The following SEMA6D variants were observed in gnomAD, a reference collection of about 807,000 sequenced individuals.
SEMA6D encodes semaphorin 6D.
A neutral mutation model predicts 106.6 loss-of-function variants in SEMA6D; 35 were observed. The ratio of observed to expected loss-of-function variants is 0.33; its 90% CI spans 0.25 to 0.44. The LOEUF (loss-of-function observed/expected upper bound fraction) is 0.44. Among genes scored for constraint, SEMA6D ranks in the 20% least tolerant of loss-of-function variants. SEMA6D has a pLI of 1.00. For missense variants in SEMA6D, 1,185 were observed against 1,345.9 expected (o/e 0.88, Z 1.87); for synonymous variants, 499 against 487.7 (o/e 1.02, Z -0.31).
chr15:47,711,445 TAAAC>T (rs1256561710), intron 4 of SEMA6D, among the ~76,000 whole-genome samples: 4 of 152,298 alleles, frequency 2.6e-5, no homozygotes, highest in Non-Finnish European at 4.4e-5. Context: ...AAACAAAAGT[TAAAC>T]AAACTAAGTT....
intron 1 of SEMA6D, among the ~76,000 whole-genome samples, chr15:47,729,567 T>C (rs1360180708): frequency 6.6e-6 from 1 of 152,214 alleles, no homozygotes; most frequent in African/African-American, 2.4e-5. Context: ...CCTTGGCAGA[T>C]TGGATGGGGT....
chr15:47,487,386 C>T (rs4775689), intron 3 of SEMA6D, among the ~76,000 whole-genome samples: 9,579 of 152,210 alleles, frequency 0.063, 594 homozygotes, highest in East Asian at 0.32. Context: ...CGTGTCTTTC[C>T]AAGCCTTTGT....
At chr15:47,527,176 A>G (rs980570480) in intron 3 of SEMA6D, among the ~76,000 whole-genome samples, 1 of 152,248 alleles carries the variant, frequency 6.6e-6, no homozygotes, top group Non-Finnish European at 1.5e-5. Flanking sequence ...TTCTAATAAA[A>G]AGACAAAAAC....
chr15:47,688,350 C>A (rs983895448), intron 4 of SEMA6D, among the ~76,000 whole-genome samples: 1 of 151,786 alleles, frequency 6.6e-6, no homozygotes, highest in South Asian at 2.1e-4. Context: ...GGCTGAAAAC[C>A]GAGATAAAAC....
At chr15:47,753,833 A>G (rs1347494204) in intron 1 of SEMA6D, among the ~76,000 whole-genome samples, 1 of 152,180 alleles carries the variant, frequency 6.6e-6, no homozygotes, top group Non-Finnish European at 1.5e-5. Context: ...CCAACTCCAC[A>G]TTCAGATCCT....
chr15:47,420,723 T>C (rs1311943143), intron 2 of SEMA6D, among the ~76,000 whole-genome samples: 1 of 152,144 alleles, frequency 6.6e-6, no homozygotes, highest in Non-Finnish European at 1.5e-5. Flanking sequence ...GATGATAATA[T>C]TCATATAGTT....
At chr15:47,726,965 TAGA>T (rs2079796563) in intron 1 of SEMA6D, among the ~76,000 whole-genome samples, 1 of 152,150 alleles carries the variant, frequency 6.6e-6, no homozygotes, top group East Asian at 1.9e-4. Flanking sequence ...AAGGGGAATT[TAGA>T]AGGAGAGGTT....
In SEMA6D at chr15:47,749,273, G is replaced by GT. The variant is rs1567070596; in HGVS notation, c.-54-10472_-54-10471insT. ...ATTTTTGTATTTTTACTAGAGAAAT[G>GT]GTTTCACCTGTTGGCTGGGCTCATC... On this transcript the variant is annotated intron_variant, in intron 1 of 18. Coordinates refer to ENST00000536845, the MANE Select transcript of SEMA6D (RefSeq NM_001358351.3). Among the ~76,000 whole-genome samples the GT allele has an allele frequency of 2.0e-5, 3 of 151,756 alleles. No homozygotes were observed. In the South Asian group the frequency reaches 6.3e-4, roughly 32 times the overall value.
intron 1 of SEMA6D, among the ~76,000 whole-genome samples, chr15:47,364,410 A>G (rs1417174030): frequency 6.6e-6 from 1 of 152,180 alleles, no homozygotes; most frequent in Non-Finnish European, 1.5e-5. Context: ...CAGAGACCAT[A>G]GAAGAAAAGG....
intron 4 of SEMA6D, among the ~76,000 whole-genome samples, chr15:47,639,200 C>G (rs1003800381): frequency 2.0e-5 from 3 of 152,074 alleles, no homozygotes; most frequent in African/African-American, 7.2e-5. Flanking sequence ...ACAGCATGAG[C>G]CTGGTGCATC....
intron 1 of SEMA6D, among the ~76,000 whole-genome samples, chr15:47,392,996 T>C (rs575699437): frequency 6.6e-6 from 1 of 152,338 alleles, no homozygotes; most frequent in Non-Finnish European, 1.5e-5. Context: ...CATTTCTGAA[T>C]TGCTGCTAAT....
intron 2 of SEMA6D, among the ~76,000 whole-genome samples, chr15:47,467,923 C>T (rs142980305): frequency 9.2e-5 from 14 of 152,124 alleles, no homozygotes; most frequent in African/African-American, 3.4e-4. Context: ...TAGTGTTTCC[C>T]CTCATCTGTA....
intron 2 of SEMA6D, among the ~76,000 whole-genome samples, chr15:47,464,701 C>G (rs887967374): frequency 3.3e-5 from 5 of 152,080 alleles, no homozygotes; most frequent in Middle Eastern, 3.2e-3. Context: ...ACAAACCACC[C>G]TGCACCCTTG....
At chr15:47,680,654 T>A (rs2078333914) in intron 4 of SEMA6D, among the ~76,000 whole-genome samples, 1 of 152,144 alleles carries the variant, frequency 6.6e-6, no homozygotes, top group Admixed American at 6.6e-5. Context: ...AATTACTAGA[T>A]GGTGTAATAC....
At chr15:47,596,981 G>T (rs2076549916) in intron 3 of SEMA6D, among the ~76,000 whole-genome samples, 1 of 152,058 alleles carries the variant, frequency 6.6e-6, no homozygotes, top group Non-Finnish European at 1.5e-5. Context: ...AAACAACAGA[G>T]TGAAGAGAAA....
intron 1 of SEMA6D, among the ~76,000 whole-genome samples, chr15:47,280,368 G>A (rs564923884): frequency 6.6e-6 from 1 of 151,256 alleles, no homozygotes; most frequent in Non-Finnish European, 1.5e-5. Context: ...GGGATCGGTG[G>A]TGATATCCTC....
rs188513414 is a variant in SEMA6D at position 47,233,927 on chromosome 15, C to T, written c.-239+49509C>T. Among the ~76,000 whole-genome samples the T allele has an allele frequency of 4.6e-3, 696 of 151,958 alleles. 1 individual carries two copies. Among genetic ancestry groups the T allele is most frequent in the Non-Finnish European group, 7.3e-3 (493 of 67,886 alleles). On this transcript the variant is annotated intron_variant, in intron 1 of 19. Transcript: ENST00000558014. ...TTTATTTCCTTTTCTTGTCTTATTG[C>T]ATTAGCTAGGAACTCCAATACAATG...
intron 2 of SEMA6D, among the ~76,000 whole-genome samples, chr15:47,454,305 G>A (rs770629773): frequency 4.7e-4 from 71 of 151,930 alleles, no homozygotes; most frequent in Middle Eastern, 3.4e-3. Context: ...TCTGAATGTC[G>A]CTTAATTTCC....
chr15:47,693,971 G>A (rs1479109335), intron 4 of SEMA6D, among the ~76,000 whole-genome samples: 1 of 152,104 alleles, frequency 6.6e-6, no homozygotes, highest in Non-Finnish European at 1.5e-5. Context: ...TGAGAGCAGA[G>A]ACAAGCACTT....
Sources: allele counts gnomAD v4.1 joint callset (sites outside exome capture counted in the v4.1 genomes callset), GRCh38; gene constraint gnomAD v4.1.1; transcripts MANE v1.5; gene names NCBI Gene and HGNC (gene_info 2026-07-23, HGNC 2026-07-21).